IL4I1: variants seen among roughly 807,000 people sequenced by gnomAD.
IL4I1 encodes interleukin 4 induced 1, also known as L-amino-acid oxidase.
Under a neutral mutation model 29.7 loss-of-function variants are expected in IL4I1, and 24 were observed. That is an observed-to-expected ratio of 0.81 (90% confidence interval 0.59 to 1.14). The LOEUF is 1.14. Among genes scored for constraint, IL4I1 ranks in the 50% most tolerant of loss-of-function variants. The probability of loss-of-function intolerance (pLI) is 0.00; values close to 1 mark genes in which losing one functional copy is unlikely to be tolerated. For missense variants in IL4I1, 686 were observed against 785.6 expected, an observed-to-expected ratio of 0.87 and a Z score of 1.52; for synonymous variants, 371 against 352.5, an observed-to-expected ratio of 1.05 and a Z score of -0.59.
chr19:49,909,306 G>A (rs1408455811), intron 2 of IL4I1: 2 of 1,614,086 alleles, frequency 1.2e-6, no homozygotes, highest in African/African-American at 1.3e-5. Context: ...AAACCGGAGG[G>A]TTGGGCCGTG....
Position 49,914,726 on chromosome 19 carries a change from G to GTTTTTTTTTTTTTTTT in IL4I1, c.-227-10421_-227-10406dup, listed in dbSNP as rs530372497. On this transcript the variant is annotated intron_variant, in intron 2 of 9. Transcript: ENST00000341114. ...GATTCTTGTGCCACTCCAAGTCCCA[G>GTTTTTTTTTTTTTTTT]TTTTTTTTTTTTTTTTTTTTTTTTT... 2.3e-4 allele frequency among the ~76,000 whole-genome samples: 13 copies of GTTTTTTTTTTTTTTTT among 56,404 alleles called. 2 individuals carry two copies. Among genetic ancestry groups the GTTTTTTTTTTTTTTTT allele is most frequent in the Admixed American group, 5.6e-4 (2 of 3,586 alleles). 37.0% of individuals were successfully genotyped at this position (56,404 alleles called of 152,430 possible).
chr19:49,890,172 G>C lies in IL4I1; in HGVS notation c.1202C>G (p.Ser401Trp). The C allele has an allele frequency of 1.3e-6, 2 of 1,542,918 alleles. No individual in the cohort carries two copies. The highest frequency in any genetic ancestry group is 8.7e-7 in the Non-Finnish European group (1 of 1,143,108). ...GALLLASYTW[S>W]DAAAAFAGLS... ...GCCGGCGAACGCTGCCGCCGCGTCCGACCACGTGTACGAGGCCAGCAGCAG... is the reference window on the plus strand; with the variant it reads ...GCCGGCGAACGCTGCCGCCGCGTCCCACCACGTGTACGAGGCCAGCAGCAG... Residue 401 changes from serine (S) to tryptophan (W), a missense_variant, in exon 8 of 8, where the codon TCG becomes TGG. By Grantham distance (177) the Ser-to-Trp change is radical. Transcript: ENST00000391826.
upstream of IL4I1, among the ~76,000 whole-genome samples, chr19:49,898,042 G>A (rs929267022): frequency 6.6e-5 from 10 of 152,190 alleles, no homozygotes; most frequent in African/African-American, 2.4e-4. Context: ...TAGTGACGAG[G>A]GCCAGGGGTG....
At chr19:49,909,966 A>T in intron 2 of IL4I1, 1 of 756,880 alleles carries the variant, frequency 1.3e-6, no homozygotes, top group Non-Finnish European at 2.3e-6. Context: ...GTCGGTTTGG[A>T]GGGTGGTGGG....
chr19:49,917,970 C>CACT (rs1266441844), intron 2 of IL4I1, among the ~76,000 whole-genome samples: 2 of 152,154 alleles, frequency 1.3e-5, no homozygotes, highest in African/African-American at 4.8e-5. Flanking sequence ...CGCACTACTG[C>CACT]ACTCCAGCCT....
At chr19:49,929,239 A>G (rs1473534131) in intron 1 of IL4I1, 2 of 153,258 alleles carry the variant, frequency 1.3e-5, no homozygotes, top group African/African-American at 2.4e-5. Flanking sequence ...TCTTCTCACT[A>G]CAGTGTCGCC....
intron 1 of IL4I1, chr19:49,928,864 G>A (rs1316613190): frequency 6.6e-6 from 1 of 152,254 alleles, no homozygotes; most frequent in Non-Finnish European, 1.5e-5. Flanking sequence ...AGAGAATGAG[G>A]CTGGATCCTC....
intron 2 of IL4I1, chr19:49,918,426 G>A (rs1152237): frequency 0.57 from 86,210 of 151,870 alleles, 24,700 homozygotes; most frequent in Non-Finnish European, 0.61. Flanking sequence ...ACCCCTATAT[G>A]TTCACCTCCA....
intron 7 of IL4I1, 152 bp downstream of exon 7, chr19:49,890,819 C>CT: frequency 1.3e-6 from 1 of 791,934 alleles, no homozygotes. Flanking sequence ...AGGCCGTGTC[C>CT]TTTATCTGGG....
At chr19:49,906,567 C>T (rs911122409) in intron 2 of IL4I1, among the ~76,000 whole-genome samples, 5 of 152,232 alleles carry the variant, frequency 3.3e-5, no homozygotes, top group African/African-American at 1.2e-4. Flanking sequence ...GCCCACTCCC[C>T]GTGGCGGCTT....
At chr19:49,898,398 G>A (rs911295880), upstream of IL4I1, among the ~76,000 whole-genome samples, 5 of 152,238 alleles carry the variant, frequency 3.3e-5, no homozygotes, top group Admixed American at 6.5e-5. Flanking sequence ...TAGCACTTTG[G>A]GAGGCCGAGG....
In IL4I1 at chr19:49,890,036, C is replaced by T. The variant is rs2122494251; in HGVS notation, c.1338G>A (p.Glu446=). Reference sequence around the variant, plus strand: ...CAAAGCCACCCTGGCTGTGCTGGTCCTCCGCCCAACGCTTGACGACGCCGG... The same window carrying T: ...CAAAGCCACCCTGGCTGTGCTGGTCTTCCGCCCAACGCTTGACGACGCCGG... ...DGTGVVKRWA[E]DQHSQGGFVV... Residue 446 remains glutamate (E), a synonymous_variant, in exon 8 of 8, where the codon GAG becomes GAA. Coordinates refer to ENST00000391826, the MANE Select transcript of IL4I1 (RefSeq NM_152899.2). The T allele has an allele frequency of 1.3e-6, 2 of 1,551,402 alleles. No homozygotes were observed. The highest frequency in any genetic ancestry group is 1.2e-5 in the South Asian group (1 of 84,374).
chr19:49,909,957 T>C (rs377564728), intron 2 of IL4I1: 10 of 799,630 alleles, frequency 1.3e-5, no homozygotes, highest in East Asian at 1.1e-4. Flanking sequence ...CTGGGCACAG[T>C]CGGTTTGGAG....
In IL4I1 at chr19:49,890,685, T is replaced by A. The variant is rs369282313; in HGVS notation, c.774-85A>T. 4.5e-4 allele frequency: 522 copies of A among 1,147,954 alleles called. 1 individual carries two copies. In the East Asian group the frequency reaches 9.7e-3, roughly 21 times the overall value. 71.1% of individuals were successfully genotyped at this position (1,147,954 alleles called of 1,614,324 possible). Reference sequence around the variant, plus strand: ...GCCTTGCCCCACCCACCCCGGCAGCTGGCCCTTATGGGCACCGGCCCGCTC... The same window carrying A: ...GCCTTGCCCCACCCACCCCGGCAGCAGGCCCTTATGGGCACCGGCCCGCTC... On this transcript the variant is annotated intron_variant, in intron 7 of 7. Transcript: ENST00000391826.
upstream of IL4I1, among the ~76,000 whole-genome samples, chr19:49,898,874 C>T (rs1568689440): frequency 1.3e-5 from 2 of 151,810 alleles, no homozygotes; most frequent in Admixed American, 1.3e-4. Flanking sequence ...GTCTCAAAAA[C>T]AAACAAACAA....
chr19:49,922,562 GCT>G (rs887176654), intron 2 of IL4I1, among the ~76,000 whole-genome samples: 3 of 151,966 alleles, frequency 2.0e-5, no homozygotes, highest in African/African-American at 4.8e-5. Flanking sequence ...GGTTCCTTTT[GCT>G]CTCTGCTGTG....
intron 2 of IL4I1, among the ~76,000 whole-genome samples, chr19:49,927,221 G>A (rs1391683514): frequency 6.6e-6 from 1 of 152,026 alleles, no homozygotes; most frequent in East Asian, 1.9e-4. Flanking sequence ...ACAGGGAAGG[G>A]AAATGGCCAG....
At chr19:49,904,963 G>A (rs761858431) in intron 2 of IL4I1, among the ~76,000 whole-genome samples, 1 of 152,024 alleles carries the variant, frequency 6.6e-6, no homozygotes, top group African/African-American at 2.4e-5. Flanking sequence ...GCCCACCTTG[G>A]CCTCCCAAAG....
In IL4I1 at chr19:49,890,432, C is replaced by T. The variant is rs1164618237; in HGVS notation, c.942G>A (p.Lys314=). 2.5e-6 allele frequency: 4 copies of T among 1,611,008 alleles called. No homozygotes were observed. The highest frequency in any genetic ancestry group is 1.1e-5 in the South Asian group (1 of 91,072). ...TCGCCGTCAGCAGCACCACGTCGGC[C>T]TTCAGCACCTTCAGATTCCGCGCCG... is the stretch of plus-strand genomic sequence containing the variant. ...SPPARNLKVL[K]ADVVLLTASG... The change falls in exon 8 of 8, where the codon AAG becomes AAA. Residue 314 remains lysine (K), a synonymous_variant. Coordinates refer to ENST00000391826, the MANE Select transcript of IL4I1 (RefSeq NM_152899.2).
Sources: allele counts gnomAD v4.1 joint callset (sites outside exome capture counted in the v4.1 genomes callset), GRCh38; gene constraint gnomAD v4.1.1; transcripts MANE v1.5; gene names NCBI Gene and HGNC (gene_info 2026-07-23, HGNC 2026-07-21).